CEP170: variants seen among roughly 807,000 people sequenced by gnomAD.
CEP170 encodes centrosomal protein of 170 kDa.
A neutral mutation model predicts 151.9 loss-of-function variants in CEP170; 21 were observed. The observed-to-expected ratio is 0.14, with a 90% CI of 0.10 to 0.20. The LOEUF (loss-of-function observed/expected upper bound fraction) is 0.20, where lower values mean the gene tolerates loss of function less well. Ranked by LOEUF, CEP170 falls within the 10% of genes least tolerant of loss-of-function variation. The pLI is 1.00. For synonymous variants in CEP170, 356 were observed against 648.8 expected, an observed-to-expected ratio of 0.55 and a Z score of 6.86; for missense variants, 964 against 1,892.9, an observed-to-expected ratio of 0.51 and a Z score of 9.11.
intron 1 of CEP170, among the ~76,000 whole-genome samples, chr1:243,229,128 A>C (rs2063518163): frequency 6.6e-6 from 1 of 152,234 alleles, no homozygotes; most frequent in African/African-American, 2.4e-5. Flanking sequence ...CCACACATGG[A>C]TAAAACTAAA....
intron 17 of CEP170, among the ~76,000 whole-genome samples, chr1:243,133,231 T>C (rs2054623592): frequency 6.6e-6 from 1 of 152,172 alleles, no homozygotes; most frequent in Non-Finnish European, 1.5e-5. Flanking sequence ...ATAGTAACCA[T>C]CCTATATTTC....
chr1:243,166,197 C>G lies in CEP170; in HGVS notation c.1844-81G>C, dbSNP rs1572392014. 3.3e-6 allele frequency: 5 copies of G among 1,518,036 alleles called. No homozygotes were observed. In the East Asian group the frequency reaches 9.8e-5, roughly 30 times the overall value. The allele number at this position is 1,518,036 out of a possible 1,614,324, so 94.0% of individuals were successfully genotyped here. A position where few individuals can be genotyped will look rare whatever the true frequency, so the allele number is the denominator to read the frequency against. On this transcript the variant is annotated intron_variant, in intron 12 of 19. Transcript: ENST00000366542. ...AAAGGAGCATCATACAGTTGTCTGTCAGTATCCATGAAGACTGGTTCCAGG... is the reference window on the plus strand; with the variant it reads ...AAAGGAGCATCATACAGTTGTCTGTGAGTATCCATGAAGACTGGTTCCAGG...
intron 10 of CEP170, among the ~76,000 whole-genome samples, chr1:243,183,174 C>T (rs1054541019): frequency 6.6e-6 from 1 of 152,006 alleles, no homozygotes; most frequent in African/African-American, 2.4e-5. Flanking sequence ...TTGTGAATCA[C>T]CTTCTCGTAG....
chr1:243,146,874 A>G (rs765674073), intron 14 of CEP170, among the ~76,000 whole-genome samples: 15 of 151,236 alleles, frequency 9.9e-5, no homozygotes, highest in Non-Finnish European at 1.9e-4. Context: ...TTTGTGCATG[A>G]GCAAAAAGTT....
At chr1:243,210,033 C>T (rs1344751775) in intron 4 of CEP170, among the ~76,000 whole-genome samples, 1 of 152,188 alleles carries the variant, frequency 6.6e-6, no homozygotes, top group Admixed American at 6.5e-5. Context: ...TATGTGCCTC[C>T]TCTGGGCATC....
At chr1:243,138,083 C>T (rs1335654911) in intron 16 of CEP170, among the ~76,000 whole-genome samples, 1 of 152,092 alleles carries the variant, frequency 6.6e-6, no homozygotes, top group African/African-American at 2.4e-5. Flanking sequence ...TAGGATATTT[C>T]TCTTTTCTTT....
intron 14 of CEP170, among the ~76,000 whole-genome samples, chr1:243,153,789 C>T (rs1428906145): frequency 6.6e-6 from 1 of 152,142 alleles, no homozygotes; most frequent in Non-Finnish European, 1.5e-5. Flanking sequence ...GAAACCAAAC[C>T]TGTACTATCT....
At chr1:243,163,038 A>G (rs1454506657) in intron 13 of CEP170, 1 of 152,184 alleles carries the variant, frequency 6.6e-6, no homozygotes, top group Non-Finnish European at 1.5e-5. Flanking sequence ...CATTTCTACC[A>G]TAGACAGTGA....
At chr1:243,195,891 G>C (rs1275902204) in intron 7 of CEP170, among the ~76,000 whole-genome samples, 1 of 151,834 alleles carries the variant, frequency 6.6e-6, no homozygotes, top group African/African-American at 2.4e-5. Context: ...GAAAGCAAGT[G>C]AGAGTCTCTT....
chr1:243,216,227 G>A (rs1438220804), intron 3 of CEP170, among the ~76,000 whole-genome samples: 1 of 151,902 alleles, frequency 6.6e-6, no homozygotes, highest in East Asian at 1.9e-4. Flanking sequence ...TATACTTTAA[G>A]TTTTAGGGTA....
Position 243,164,342 on chromosome 1 carries a change from G to C in CEP170, c.3618C>G (p.Ile1206Met). ...KFSPRIRANS[I>M]SRLSDSKVKS... ...TGACCTTGGAGTCTGAGAGTCGAGA[G>C]ATACTGTTAGCTCTAATTCTAGGAG... Residue 1206 changes from isoleucine to methionine, a missense_variant, in exon 13 of 20, where the codon ATC becomes ATG. Physicochemically the swap from Ile to Met is conservative, Grantham distance 10. Transcript: ENST00000366542. The C allele has an allele frequency of 6.5e-7, 1 of 1,530,900 alleles. No individual in the cohort carries two copies. Among genetic ancestry groups the C allele is most frequent in the Non-Finnish European group, 8.8e-7 (1 of 1,138,772 alleles). 94.8% of individuals were successfully genotyped at this position (1,530,900 alleles called of 1,614,324 possible).
chr1:243,219,224 A>T (rs1003087296), intron 3 of CEP170, among the ~76,000 whole-genome samples: 1 of 152,248 alleles, frequency 6.6e-6, no homozygotes, highest in Non-Finnish European at 1.5e-5. Context: ...ACAATACTAC[A>T]GAGCAGGAAT....
intron 3 of CEP170, among the ~76,000 whole-genome samples, chr1:243,221,012 C>T (rs909523108): frequency 1.3e-4 from 20 of 151,872 alleles, no homozygotes; most frequent in African/African-American, 4.9e-4. Context: ...TGGCACCTTT[C>T]CATCTTTCTT....
chr1:243,182,647 A>T (rs1241664968), intron 10 of CEP170, among the ~76,000 whole-genome samples: 1 of 152,202 alleles, frequency 6.6e-6, no homozygotes, highest in Non-Finnish European at 1.5e-5. Flanking sequence ...TATCGAGTCC[A>T]ATCTCATCTC....
At chr1:243,160,629 A>G (rs1397027904) in intron 13 of CEP170, among the ~76,000 whole-genome samples, 1 of 152,148 alleles carries the variant, frequency 6.6e-6, no homozygotes, top group Non-Finnish European at 1.5e-5. Flanking sequence ...GAAAACACAC[A>G]TTGCATCTTC....
intron 8 of CEP170, 67 bp downstream of exon 8, chr1:243,190,951 C>A (rs6694793): frequency 0.02 from 29,657 of 1,457,312 alleles, 696 homozygotes; most frequent in African/African-American, 0.12. Context: ...TACTAGTAGT[C>A]TAGTAAATGA....
Position 243,125,660 on chromosome 1 carries a change from A to G in CEP170, c.*789T>C, listed in dbSNP as rs1418721855. On this transcript the variant is annotated 3_prime_UTR_variant, in exon 20 of 20. Transcript: ENST00000366542. ...GAGACCAAATCTTATTTCCATTAAAAAAAATGAAAAAAAGTGCCAAATTGA... is the reference window on the plus strand; with the variant it reads ...GAGACCAAATCTTATTTCCATTAAAGAAAATGAAAAAAAGTGCCAAATTGA... 1 of 155,966 alleles carries G rather than the reference A, an allele frequency of 6.4e-6. No individual in the cohort carries two copies. Among genetic ancestry groups the G allele is most frequent in the African/African-American group, 2.4e-5 (1 of 41,480 alleles). The allele number at this position is 155,966 out of a possible 1,614,324, so 9.7% of individuals were successfully genotyped here.
chr1:243,195,870 T>C (rs544937399), intron 7 of CEP170, among the ~76,000 whole-genome samples: 21 of 152,034 alleles, frequency 1.4e-4, no homozygotes, highest in Middle Eastern at 3.4e-3. Context: ...AATATCCTCA[T>C]ACTAACATAA....
At chr1:243,141,883 G>A (rs2148316299) in intron 15 of CEP170, among the ~76,000 whole-genome samples, 1 of 152,314 alleles carries the variant, frequency 6.6e-6, no homozygotes, top group South Asian at 2.1e-4. Context: ...TATTAAAGCA[G>A]TGAAACTGTA....
Sources: gnomAD v4.1 joint callset for allele counts (sites outside exome capture counted in the v4.1 genomes callset) on GRCh38, gnomAD v4.1.1 for gene constraint, MANE v1.5 for transcripts, NCBI Gene and HGNC (gene_info 2026-07-23, HGNC 2026-07-21) for gene names.